Variants in ABCA1 observed in about 807,000 individuals in gnomAD.
ABCA1 encodes ATP binding cassette subfamily A member 1, also known as phospholipid-transporting ATPase ABCA1.
In ABCA1, 133 loss-of-function variants were observed where a neutral mutation model predicts 262.5. The ratio of observed to expected loss-of-function variants is 0.51; its 90% CI spans 0.44 to 0.59. ABCA1 has a LOEUF of 0.59. ABCA1 is among the 20% of genes least tolerant of loss of function. The pLI is 0.00. For missense variants in ABCA1, 2,452 were observed against 2,777.5 expected (o/e 0.88, Z 2.63); for synonymous variants, 1,022 against 1,043.5 (o/e 0.98, Z 0.40).
intron 16 of ABCA1, 35 bp from the exon 17 acceptor site, chr9:104,825,922 C>T (rs1315110831): frequency 6.2e-7 from 1 of 1,607,366 alleles, no homozygotes. Context: ...TATCCATTTC[C>T]TGGTCAGTCT....
At chr9:104,852,934 G>C (rs1835500857) in intron 7 of ABCA1, among the ~76,000 whole-genome samples, 1 of 152,184 alleles carries the variant, frequency 6.6e-6, no homozygotes, top group Non-Finnish European at 1.5e-5. Context: ...TGAGGCTGAA[G>C]GTAACAACAA....
intron 6 of ABCA1, among the ~76,000 whole-genome samples, chr9:104,860,222 C>G (rs1375615328): frequency 6.6e-6 from 1 of 152,012 alleles, no homozygotes. Flanking sequence ...ACTGAAAATA[C>G]AGAAACTCCA....
At chr9:104,821,200 G>A (rs951879238) in intron 20 of ABCA1, among the ~76,000 whole-genome samples, 175 bp downstream of exon 20, 1 of 152,012 alleles carries the variant, frequency 6.6e-6, no homozygotes, top group Non-Finnish European at 1.5e-5. Flanking sequence ...CCGAGATCGC[G>A]CCACTACAGT....
At chr9:104,852,755 A>G (rs1051711383) in intron 7 of ABCA1, among the ~76,000 whole-genome samples, 7 of 152,246 alleles carry the variant, frequency 4.6e-5, no homozygotes, top group Non-Finnish European at 8.8e-5. Context: ...GAAAGCAAGT[A>G]AACAGGTGGG....
chr9:104,792,572 C>T (rs960345314), intron 42 of ABCA1, among the ~76,000 whole-genome samples: 36 of 152,046 alleles, frequency 2.4e-4, no homozygotes, highest in Admixed American at 2.2e-3. Context: ...CCAATGTATT[C>T]GAGAATGGGA....
intron 5 of ABCA1, among the ~76,000 whole-genome samples, chr9:104,866,109 A>G (rs148681264): frequency 0.014 from 2,138 of 152,330 alleles, 34 homozygotes; most frequent in Non-Finnish European, 0.018. Context: ...AAGACCTCTC[A>G]TGATGACAAC....
intron 3 of ABCA1, among the ~76,000 whole-genome samples, chr9:104,886,510 G>A (rs183886414): frequency 4.6e-5 from 7 of 152,268 alleles, no homozygotes; most frequent in African/African-American, 1.4e-4. Context: ...CCTTGCCTAA[G>A]TCAGCTGCTC....
Position 104,819,575 on chromosome 9 carries a change from A to C in ABCA1, c.3241+11T>G, listed in dbSNP as rs755539503. ...CAGTCCATTTACTCAGAATAAATAC[A>C]CATCAGGCACCTTGTCGGTATTTCA... On this transcript the variant is annotated intron_variant, in intron 22 of 49. Transcript: ENST00000374736. 7 of 1,614,148 alleles carry C rather than the reference A, an allele frequency of 4.3e-6. No individual in the cohort carries two copies. The highest frequency in any genetic ancestry group is 1.7e-4 in the Middle Eastern group (1 of 6,018).
rs1422137304 is a variant in ABCA1, at chr9:104,786,313, T to G, written c.6386A>C (p.Gln2129Pro). 1 of 1,614,034 alleles carries G rather than the reference T, an allele frequency of 6.2e-7. No homozygotes were observed. The highest frequency in any genetic ancestry group is 1.1e-5 in the South Asian group (1 of 91,088). Residue 2129 changes from glutamine to proline, a missense_variant, in exon 48 of 50, where the codon CAG becomes CCG. Gln to Pro is a moderately conservative substitution (Grantham distance 76). Transcript: ENST00000374736. ...NGRFRCLGSV[Q>P]HLKNRFGDGY... ...TCTTTATTACCTATTTTTTAGATGC[T>G]GGACACTGCCAAGGCACCTGAACCT...
chr9:104,886,264 T>G (rs2118302021), intron 3 of ABCA1, among the ~76,000 whole-genome samples: 1 of 152,338 alleles, frequency 6.6e-6, no homozygotes, highest in African/African-American at 2.4e-5. Context: ...TTTATTTTCA[T>G]GCAAATGGGC....
chr9:104,922,247 T>G (rs545206617), intron 1 of ABCA1, among the ~76,000 whole-genome samples: 1 of 152,364 alleles, frequency 6.6e-6, no homozygotes, highest in African/African-American at 2.4e-5. Context: ...TTCTCTGGCC[T>G]CAAGTATTTC....
At chr9:104,905,160 T>C (rs555496694) in intron 1 of ABCA1, among the ~76,000 whole-genome samples, 10 of 152,168 alleles carry the variant, frequency 6.6e-5, no homozygotes, top group Non-Finnish European at 1.2e-4. Flanking sequence ...CTGTGGCCTC[T>C]AGAGGAGTAG....
chr9:104,839,385 AC>A (rs1834158322), intron 9 of ABCA1, among the ~76,000 whole-genome samples: 1 of 152,184 alleles, frequency 6.6e-6, no homozygotes, highest in African/African-American at 2.4e-5. Flanking sequence ...TGTGGCTCTA[AC>A]CAAGGCACTT....
chr9:104,897,549 C>T (rs901115474), intron 2 of ABCA1, among the ~76,000 whole-genome samples: 4 of 152,186 alleles, frequency 2.6e-5, no homozygotes, highest in Non-Finnish European at 4.4e-5. Flanking sequence ...TCAGGAATGT[C>T]AAAGGCATCA....
chr9:104,792,105 T>C, intron 42 of ABCA1, 107 bp from the exon 43 acceptor site: 1 of 1,000,128 alleles, frequency 1.0e-6, no homozygotes, highest in Non-Finnish European at 1.5e-6. Context: ...ACATAAGACT[T>C]GTCAATAACC....
intron 30 of ABCA1, among the ~76,000 whole-genome samples, chr9:104,808,592 C>T (rs551042207): frequency 6.6e-6 from 1 of 152,208 alleles, no homozygotes; most frequent in South Asian, 2.1e-4. Context: ...TAAGAACAAA[C>T]AAGCACACAG....
chr9:104,812,560 A>G lies in ABCA1; in HGVS notation c.4050+14T>C. On this transcript the variant is annotated intron_variant, in intron 28 of 49. Transcript: ENST00000374736. Reference sequence around the variant, plus strand: ...CATGAAGCCAGAGTCTCTGGCGAAAACAGCACGTCTCACCTGAGCAAAAAA... The same window carrying G: ...CATGAAGCCAGAGTCTCTGGCGAAAGCAGCACGTCTCACCTGAGCAAAAAA... The G allele has an allele frequency of 1.2e-6, 2 of 1,614,140 alleles. No homozygotes were observed. The highest frequency in any genetic ancestry group is 1.7e-4 in the Middle Eastern group (1 of 6,056).
At chr9:104,854,215 A>C (rs548776279) in intron 7 of ABCA1, among the ~76,000 whole-genome samples, 3 of 152,320 alleles carry the variant, frequency 2.0e-5, no homozygotes, top group African/African-American at 2.4e-5. Context: ...AAGGAAATGG[A>C]CTTCAGTCCT....
At chr9:104,848,293 A>G (rs1835071014) in intron 7 of ABCA1, among the ~76,000 whole-genome samples, 1 of 152,164 alleles carries the variant, frequency 6.6e-6, no homozygotes, top group Admixed American at 6.5e-5. Flanking sequence ...GAGCTACTGT[A>G]TCAGAATCAC....
Sources: allele counts gnomAD v4.1 joint callset (sites outside exome capture counted in the v4.1 genomes callset), GRCh38; gene constraint gnomAD v4.1.1; transcripts MANE v1.5; gene names NCBI Gene and HGNC (gene_info 2026-07-23, HGNC 2026-07-21).